VAV1: variants seen among roughly 807,000 people sequenced by gnomAD.
VAV1 encodes proto-oncogene vav.
In VAV1, 33 loss-of-function variants were observed where a neutral mutation model predicts 128.1. The ratio of observed to expected loss-of-function variants is 0.26; its 90% CI spans 0.20 to 0.34. VAV1 has a LOEUF of 0.34. Among genes scored for constraint, VAV1 ranks in the 10% least tolerant of loss-of-function variants. The pLI, the probability that VAV1 is intolerant of heterozygous loss-of-function variation, is 1.00. For synonymous variants in VAV1, 394 were observed against 409.8 expected (o/e 0.96, Z 0.47); for missense variants, 715 against 1,093.7 (o/e 0.65, Z 4.88).
chr19:6,832,639 C>CT (rs1972107336), intron 15 of VAV1, among the ~76,000 whole-genome samples: 1 of 90,986 alleles, frequency 1.1e-5, no homozygotes, highest in Non-Finnish European at 2.3e-5. Flanking sequence ...CTCCTCCTCC[C>CT]TTTCCTCCCC....
intron 24 of VAV1, among the ~76,000 whole-genome samples, chr19:6,852,441 G>T (rs901371846): frequency 2.6e-5 from 4 of 152,148 alleles, no homozygotes; most frequent in Admixed American, 1.3e-4. Flanking sequence ...CCTGTTTTTG[G>T]CCGGGCACGG....
chr19:6,814,637 C>CTCTT (rs1971581940), intron 1 of VAV1, among the ~76,000 whole-genome samples: 6 of 82,034 alleles, frequency 7.3e-5, no homozygotes, highest in African/African-American at 3.9e-4. Flanking sequence ...TTTTCTTTCT[C>CTCTT]TCCTTCCTTC....
intron 3 of VAV1, 50 bp downstream of exon 3, chr19:6,821,730 C>G (rs1294511529): frequency 1.2e-6 from 2 of 1,613,918 alleles, no homozygotes; most frequent in Admixed American, 3.3e-5. Context: ...CCTCCCCCTC[C>G]CTGAAGCCCC....
chr19:6,775,041 C>T (rs1289548927), intron 1 of VAV1, among the ~76,000 whole-genome samples: 1 of 151,778 alleles, frequency 6.6e-6, no homozygotes, highest in East Asian at 1.9e-4. Flanking sequence ...GCTGGGATTA[C>T]AGGCATGAGC....
At chr19:6,798,157 A>G (rs1037315550) in intron 1 of VAV1, among the ~76,000 whole-genome samples, 6 of 151,900 alleles carry the variant, frequency 3.9e-5, no homozygotes, top group Non-Finnish European at 8.8e-5. Flanking sequence ...CGCACCTATA[A>G]TCCCAGCTAC....
At chr19:6,773,876 G>A (rs79127960) in intron 1 of VAV1, among the ~76,000 whole-genome samples, 12,005 of 152,152 alleles carry the variant, frequency 0.079, 600 homozygotes, top group African/African-American at 0.14. Context: ...GGGACGGGGC[G>A]GGGCTGGTGG....
At chr19:6,779,413 G>C (rs1201496833) in intron 1 of VAV1, among the ~76,000 whole-genome samples, 1 of 151,092 alleles carries the variant, frequency 6.6e-6, no homozygotes, top group Non-Finnish European at 1.5e-5. Context: ...GCCACCCACT[G>C]CTCTATGCTT....
chr19:6,829,004 C>A, intron 13 of VAV1, 104 bp downstream of exon 13: 1 of 1,378,184 alleles, frequency 7.3e-7, no homozygotes, highest in Non-Finnish European at 1.0e-6. Flanking sequence ...TGGGTGGAGC[C>A]TGGGCAGGGG....
chr19:6,825,467 T>C, intron 8 of VAV1, 61 bp downstream of exon 8: 1 of 1,446,100 alleles, frequency 6.9e-7, no homozygotes. Context: ...AGGCTGGGCA[T>C]CTGAGAGACC....
At chr19:6,850,087 C>T (rs1972626835) in intron 23 of VAV1, among the ~76,000 whole-genome samples, 1 of 151,108 alleles carries the variant, frequency 6.6e-6, no homozygotes, top group African/African-American at 2.4e-5. Flanking sequence ...TCACATGCTG[C>T]TGAGTTTGTA....
Position 6,772,871 on chromosome 19 carries a change from C to T in VAV1, c.64C>T (p.Arg22Cys). The T allele has an allele frequency of 1.9e-6, 3 of 1,614,130 alleles. No homozygotes were observed. Among genetic ancestry groups the T allele is most frequent in the African/African-American group, 1.3e-5 (1 of 75,042 alleles). ...GTGCCGGGTGCTGCCGCCCAGCCAC[C>T]GCGTGACCTGGGATGGGGCTCAGGT... ...IQCRVLPPSH[R>C]VTWDGAQVCE... is the part of the protein sequence containing the mutation. The change falls in exon 1 of 27, where the codon CGC (arginine) becomes TGC (cysteine). Residue 22 changes from arginine to cysteine, a missense_variant. Physicochemically the swap from Arg to Cys is radical, Grantham distance 180. Transcript: ENST00000602142. The surrounding 1 kb of genome is among the most constrained non-coding windows in gnomAD (Gnocchi z 4.8).
In VAV1 at chr19:6,826,756, A is replaced by G; in HGVS notation, c.927+45A>G. 1 of 1,455,432 alleles carries G rather than the reference A, an allele frequency of 6.9e-7. No homozygotes were observed. Among genetic ancestry groups the G allele is most frequent in the Middle Eastern group, 1.9e-4 (1 of 5,146 alleles). The allele number at this position is 1,455,432 out of a possible 1,614,324, so 90.2% of individuals were successfully genotyped here. A position where few individuals can be genotyped will look rare whatever the true frequency, so the allele number is the denominator to read the frequency against. On this transcript the variant is annotated intron_variant, in intron 9 of 26. Transcript: ENST00000602142. This position sits in a 1 kb window ranked among gnomAD's most constrained non-coding sequence, Gnocchi z 4.1. ...TCGGGGGCCTCTCCCGCTCCTCCCC[A>G]GGCCCTGGGGGCAGCAGGGAGGACA...
In VAV1 at chr19:6,853,932, G is replaced by C. The variant is rs765360774; in HGVS notation, c.2333-15G>C. ...TGCCCCAGACCCTTTTCTCACTTCTGTTCTCTCTCCACAGTGGGAAGCACA... is the reference window on the plus strand; with the variant it reads ...TGCCCCAGACCCTTTTCTCACTTCTCTTCTCTCTCCACAGTGGGAAGCACA... On this transcript the variant is annotated splice_polypyrimidine_tract_variant and intron_variant, in intron 25 of 26. Coordinates refer to ENST00000602142, the MANE Select transcript of VAV1 (RefSeq NM_005428.4). 8.1e-6 allele frequency: 13 copies of C among 1,606,814 alleles called. No individual in the cohort carries two copies. The South Asian group carries it at 1.3e-4, about 16-fold the overall frequency.
At chr19:6,846,660 T>C (rs933862196) in intron 22 of VAV1, among the ~76,000 whole-genome samples, 1 of 148,630 alleles carries the variant, frequency 6.7e-6, no homozygotes, top group Admixed American at 6.8e-5. Flanking sequence ...TGTTATACCA[T>C]ATATTATACA....
At chr19:6,837,111 T>C in intron 21 of VAV1, 61 bp downstream of exon 21, 1 of 1,558,246 alleles carries the variant, frequency 6.4e-7, no homozygotes, top group South Asian at 1.1e-5. Context: ...CCTGGGAGGA[T>C]GGACAGACTT....
At chr19:6,818,840 G>C (rs1049443693) in intron 1 of VAV1, among the ~76,000 whole-genome samples, 5 of 152,308 alleles carry the variant, frequency 3.3e-5, no homozygotes, top group African/African-American at 1.2e-4. Flanking sequence ...AACTGGCCGG[G>C]CGTGGTGGCT....
At chr19:6,837,853 C>T (rs1385172389) in intron 21 of VAV1, among the ~76,000 whole-genome samples, 6 of 152,114 alleles carry the variant, frequency 3.9e-5, no homozygotes, top group African/African-American at 2.4e-5. Flanking sequence ...CATGCATAAC[C>T]AGAGCAAGAT....
chr19:6,844,539 G>A (rs1226609906), intron 22 of VAV1, among the ~76,000 whole-genome samples: 1 of 152,092 alleles, frequency 6.6e-6, no homozygotes, highest in Non-Finnish European at 1.5e-5. Flanking sequence ...TTCTAAGTGT[G>A]TACCACATAG....
chr19:6,773,240 A>G (rs1301343725), intron 1 of VAV1, among the ~76,000 whole-genome samples: 1 of 152,020 alleles, frequency 6.6e-6, no homozygotes, highest in Non-Finnish European at 1.5e-5. Flanking sequence ...GTTGGCCCGC[A>G]TCTGGGCTGA....
Sources: allele counts gnomAD v4.1 joint callset (sites outside exome capture counted in the v4.1 genomes callset), GRCh38; gene constraint gnomAD v4.1.1; non-coding constraint Gnocchi (gnomAD v3.1); transcripts MANE v1.5; gene names NCBI Gene and HGNC (gene_info 2026-07-23, HGNC 2026-07-21).